NOSTRIN: variants seen among roughly 807,000 people sequenced by gnomAD.
NOSTRIN encodes BM247 homolog.
Under a neutral mutation model 59.0 loss-of-function variants are expected in NOSTRIN, and 63 were observed. That is an observed-to-expected ratio of 1.07 (90% CI 0.87 to 1.32). NOSTRIN has a LOEUF of 1.32. Ranked by LOEUF, NOSTRIN falls within the 40% of genes most tolerant of loss-of-function variation. NOSTRIN has a pLI of 0.00. For synonymous variants in NOSTRIN, 200 were observed against 165.4 expected, an observed-to-expected ratio of 1.21 and a Z score of -1.61; for missense variants, 512 against 473.1, an observed-to-expected ratio of 1.08 and a Z score of -0.76.
chr2:168,790,077 A>G (rs1022536130), intron 2 of NOSTRIN, among the ~76,000 whole-genome samples: 1 of 152,192 alleles, frequency 6.6e-6, no homozygotes, highest in Admixed American at 6.5e-5. Context: ...AAAATTTGCT[A>G]ATGTTCTACT....
chr2:168,834,507 G>GGGCGCA (rs1553527124), intron 7 of NOSTRIN, among the ~76,000 whole-genome samples, 182 bp downstream of exon 7: 1 of 125,342 alleles, frequency 8.0e-6, no homozygotes, highest in Non-Finnish European at 1.7e-5. Flanking sequence ...GCGCGCGCGC[G>GGGCGCA]CACACACACA....
At position 168,840,540 on chromosome 2, in the gene NOSTRIN, A is replaced by C. The variant is rs57362666; in HGVS notation, c.505-2452A>C. The stretch of plus-strand genomic sequence containing the variant: ...GCGAGACTCCATCTCAAAAAAAAAA[A>C]AAAAAAAAAAACAAAAAAACAGATA... On this transcript the variant is annotated intron_variant, in intron 7 of 15. Coordinates refer to ENST00000317647, the MANE Select transcript of NOSTRIN (RefSeq NM_001039724.4). Among the ~76,000 whole-genome samples the C allele has an allele frequency of 5.5e-3, 724 of 131,052 alleles. 11 individuals carry two copies. Among genetic ancestry groups the C allele is most frequent in the African/African-American group, 0.02 (636 of 31,978 alleles). 86.0% of individuals were successfully genotyped at this position (131,052 alleles called of 152,430 possible). A position where few individuals can be genotyped will look rare whatever the true frequency, so the allele number is the denominator to read the frequency against.
At chr2:168,841,056 C>A (rs1320725847) in intron 7 of NOSTRIN, among the ~76,000 whole-genome samples, 4 of 151,540 alleles carry the variant, frequency 2.6e-5, no homozygotes, top group Non-Finnish European at 2.9e-5. Flanking sequence ...AGTTGGAGAC[C>A]AGACTGGGCA....
intron 14 of NOSTRIN, among the ~76,000 whole-genome samples, chr2:168,861,224 T>C (rs550208529): frequency 6.6e-6 from 1 of 152,292 alleles, no homozygotes; most frequent in African/African-American, 2.4e-5. Flanking sequence ...GCTTTGTCGC[T>C]CTGTCTCCAT....
chr2:168,834,513 A>ACACACGCGCGCG (rs57302360), intron 7 of NOSTRIN, among the ~76,000 whole-genome samples, 188 bp downstream of exon 7: 1 of 141,766 alleles, frequency 7.1e-6, no homozygotes, highest in Non-Finnish European at 1.5e-5. Flanking sequence ...GCGCGCACAC[A>ACACACGCGCGCG]CACACACACA....
intron 2 of NOSTRIN, among the ~76,000 whole-genome samples, chr2:168,814,685 C>T (rs1686309539): frequency 6.6e-6 from 1 of 152,034 alleles, no homozygotes. Flanking sequence ...CAGCATAATT[C>T]AAGATACAGT....
At chr2:168,863,367 TTTGTCTTAGAAAGAA>T in intron 15 of NOSTRIN, 1 of 979,148 alleles carries the variant, frequency 1.0e-6, no homozygotes, top group Non-Finnish European at 1.2e-6. Flanking sequence ...AATAATTTCC[TTTGTCTTAGAAAGAA>T]AGTTGCTGAG....
rs774384593 is a variant in NOSTRIN at position 168,842,975 on chromosome 2, T to C, written c.505-17T>C. 1 of 869,090 alleles carries C rather than the reference T, an allele frequency of 1.2e-6. No individual in the cohort carries two copies. The highest frequency in any genetic ancestry group is 2.4e-5 in the East Asian group (1 of 41,664). 53.8% of individuals were successfully genotyped at this position (869,090 alleles called of 1,614,324 possible). A position where few individuals can be genotyped will look rare whatever the true frequency, so the allele number is the denominator to read the frequency against. ...AAAATGTGTTAGTAAATGTGTGACATTGATGTTTTACATTAGCTCCTCAAT... is the reference window on the plus strand; with the variant it reads ...AAAATGTGTTAGTAAATGTGTGACACTGATGTTTTACATTAGCTCCTCAAT... On this transcript the variant is annotated splice_polypyrimidine_tract_variant and intron_variant, in intron 7 of 15. Coordinates refer to ENST00000317647, the MANE Select transcript of NOSTRIN (RefSeq NM_001039724.4).
chr2:168,836,396 G>A (rs1267197505), intron 7 of NOSTRIN, among the ~76,000 whole-genome samples: 1 of 152,190 alleles, frequency 6.6e-6, no homozygotes, highest in African/African-American at 2.4e-5. Flanking sequence ...CTCTCCTCCA[G>A]CTGGTAACCA....
chr2:168,863,107 T>A (rs186487139), intron 15 of NOSTRIN, among the ~76,000 whole-genome samples: 2 of 152,326 alleles, frequency 1.3e-5, no homozygotes, highest in Admixed American at 1.3e-4. Context: ...AAATTGATTA[T>A]CTTGTTTTCA....
In NOSTRIN at chr2:168,831,381, C is replaced by G. The variant is rs533318362; in HGVS notation, c.343-91C>G. ...TCACATTGAGGGAATAGGTTTCAAT[C>G]GATACATTTTAGGGGCACGAACATT... On this transcript the variant is annotated intron_variant, in intron 5 of 15. Coordinates refer to ENST00000317647, the MANE Select transcript of NOSTRIN (RefSeq NM_001039724.4). The G allele has an allele frequency of 1.3e-4, 96 of 728,618 alleles. 1 individual carries two copies. The highest frequency in any genetic ancestry group is 1.2e-3 in the Middle Eastern group (5 of 4,190). The allele number at this position is 728,618 out of a possible 1,614,324, so 45.1% of individuals were successfully genotyped here. A position where few individuals can be genotyped will look rare whatever the true frequency, so the allele number is the denominator to read the frequency against.
intron 7 of NOSTRIN, among the ~76,000 whole-genome samples, chr2:168,837,530 C>T (rs145519813): frequency 8.8e-4 from 133 of 152,000 alleles, no homozygotes; most frequent in Middle Eastern, 3.4e-3. Context: ...AGGATAGTCT[C>T]GATCTCCTGA....
intron 2 of NOSTRIN, among the ~76,000 whole-genome samples, chr2:168,818,638 C>T (rs1686550675): frequency 6.6e-6 from 1 of 152,112 alleles, no homozygotes; most frequent in Non-Finnish European, 1.5e-5. Context: ...CACATATTTT[C>T]CATCTCTCTT....
intron 10 of NOSTRIN, among the ~76,000 whole-genome samples, chr2:168,853,762 A>G (rs1411540078): frequency 2.0e-5 from 3 of 152,206 alleles, no homozygotes; most frequent in African/African-American, 4.8e-5. Flanking sequence ...GGAGTGGTAG[A>G]GCATTTGGGG....
chr2:168,848,118 ACTT>A (rs1457468882), intron 8 of NOSTRIN, among the ~76,000 whole-genome samples: 11 of 152,352 alleles, frequency 7.2e-5, no homozygotes, highest in Non-Finnish European at 1.2e-4. Flanking sequence ...TAGGGTAAGG[ACTT>A]CTTCTTTTTG....
At chr2:168,793,220 T>A (rs1334885877), upstream of NOSTRIN, among the ~76,000 whole-genome samples, 4 of 152,336 alleles carry the variant, frequency 2.6e-5, no homozygotes, top group Middle Eastern at 3.4e-3. Flanking sequence ...TTTCTCCTGG[T>A]TCCTGGCAAC....
chr2:168,802,671 C>G lies in NOSTRIN; in HGVS notation c.25C>G (p.Pro9Ala), dbSNP rs766155651. ...CATGAGGGACCCACTGACAGATTGT[C>G]CGGTGAGTAGCTCAGTGTGGTTTGT... MRDPLTDC[P>A]YNKVYKNLKE... The change falls in exon 1 of 16, where the codon CCG becomes GCG. Residue 9 changes from proline to alanine, a missense_variant and splice_region_variant. By Grantham distance (27) the Pro-to-Ala change is conservative. Transcript: ENST00000317647. 21 of 869,450 alleles carry G rather than the reference C, an allele frequency of 2.4e-5. No individual in the cohort carries two copies. The highest frequency in any genetic ancestry group is 1.0e-4 in the Admixed American group (6 of 58,878). The allele number at this position is 869,450 out of a possible 1,614,324, so 53.9% of individuals were successfully genotyped here.
chr2:168,806,020 T>C (rs945604282), intron 1 of NOSTRIN, among the ~76,000 whole-genome samples: 1 of 152,298 alleles, frequency 6.6e-6, no homozygotes, highest in Admixed American at 6.5e-5. Flanking sequence ...CTATGCTCTT[T>C]AATGTTCCAT....
chr2:168,821,165 T>C (rs1423481571), intron 2 of NOSTRIN, among the ~76,000 whole-genome samples: 1 of 152,246 alleles, frequency 6.6e-6, no homozygotes, highest in Non-Finnish European at 1.5e-5. Context: ...CTCTTTGTGC[T>C]GCTTCCAAGA....
Sources: gnomAD v4.1 joint callset for allele counts (sites outside exome capture counted in the v4.1 genomes callset) on GRCh38, gnomAD v4.1.1 for gene constraint, MANE v1.5 for transcripts, NCBI Gene and HGNC (gene_info 2026-07-23, HGNC 2026-07-21) for gene names.